CCDC18: variants seen among roughly 807,000 people sequenced by gnomAD.
CCDC18 encodes the protein coiled-coil domain-containing protein 18.
In CCDC18, 157 loss-of-function variants were observed where a neutral mutation model predicts 196.0. That is an observed-to-expected ratio of 0.80 (90% CI 0.70 to 0.91). The LOEUF is 0.91. Among genes scored for constraint, CCDC18 ranks in the 40% least tolerant of loss-of-function variants. The pLI, the probability that CCDC18 is intolerant of heterozygous loss-of-function variation, is 0.00. For missense variants in CCDC18, 1,465 were observed against 1,611.6 expected, an observed-to-expected ratio of 0.91 and a Z score of 1.56; for synonymous variants, 482 against 529.2, an observed-to-expected ratio of 0.91 and a Z score of 1.22.
chr1:93,204,571 T>C (rs1444728857), intron 7 of CCDC18, among the ~76,000 whole-genome samples: 3 of 152,124 alleles, frequency 2.0e-5, no homozygotes, highest in Non-Finnish European at 4.4e-5. Flanking sequence ...AAGTGTAATA[T>C]TATCATGACA....
chr1:93,184,869 A>C (rs1217592640), intron 3 of CCDC18, among the ~76,000 whole-genome samples: 1 of 152,008 alleles, frequency 6.6e-6, no homozygotes, highest in Non-Finnish European at 1.5e-5. Flanking sequence ...TTTAGAAACA[A>C]ATTCAAATTC....
chr1:93,210,940 A>T lies in CCDC18; in HGVS notation c.1334+14A>T. 1 of 1,613,054 alleles carries T rather than the reference A, an allele frequency of 6.2e-7. No homozygotes were observed. The highest frequency in any genetic ancestry group is 8.5e-7 in the Non-Finnish European group (1 of 1,179,374). ...TTCGGAATTGAGGTACAATTTTCAG[A>T]TTCTGCAGTTATAGCAAATAGAATG... On this transcript the variant is annotated intron_variant, in intron 10 of 28. Coordinates refer to ENST00000690025, the MANE Select transcript of CCDC18 (RefSeq NM_001378204.1).
At chr1:93,190,221 G>A (rs1049675159) in intron 4 of CCDC18, among the ~76,000 whole-genome samples, 8 of 152,144 alleles carry the variant, frequency 5.3e-5, no homozygotes, top group Non-Finnish European at 8.8e-5. Context: ...CGGGCACGGC[G>A]GCTCACGCCT....
intron 27 of CCDC18, chr1:93,269,741 G>A (rs1665038119): frequency 6.6e-6 from 1 of 152,120 alleles, no homozygotes; most frequent in Middle Eastern, 3.4e-3. Flanking sequence ...TGGTTTTTTA[G>A]TGTATGTAGT....
chr1:93,184,006 G>A lies in CCDC18; in HGVS notation c.163G>A (p.Ala55Thr). The change falls in exon 3 of 29, where the codon GCC becomes ACC. Residue 55 changes from alanine (A) to threonine (T), a missense_variant. Coordinates refer to ENST00000690025, the MANE Select transcript of CCDC18 (RefSeq NM_001378204.1). Reference protein sequence around the residue: ...SVSPSENSDYAPNPSRSEKLI... With the variant: ...SVSPSENSDYTPNPSRSEKLI... ...TAGTCCAAGTGAAAATTCTGATTAT[G>A]CCCCTAATCCTTCAAGGTCTGAAAA... 1 of 1,553,030 alleles carries A rather than the reference G, an allele frequency of 6.4e-7. No homozygotes were observed. The highest frequency in any genetic ancestry group is 1.3e-5 in the South Asian group (1 of 79,746).
intron 23 of CCDC18, 118 bp from the exon 24 acceptor site, chr1:93,254,353 C>T (rs925776546): frequency 4.3e-6 from 3 of 694,916 alleles, no homozygotes; most frequent in Non-Finnish European, 7.1e-6. Flanking sequence ...ATTGCCTTAA[C>T]CTATTTATAT....
chr1:93,197,422 A>G (rs1450515458), intron 6 of CCDC18, among the ~76,000 whole-genome samples: 1 of 152,206 alleles, frequency 6.6e-6, no homozygotes, highest in Non-Finnish European at 1.5e-5. Flanking sequence ...AAGATGATAC[A>G]TTTGAAAACT....
chr1:93,266,265 A>G (rs1664486012), intron 27 of CCDC18, among the ~76,000 whole-genome samples: 2 of 152,226 alleles, frequency 1.3e-5, no homozygotes, highest in African/African-American at 4.8e-5. Flanking sequence ...GACACAACAT[A>G]CCAGAATCTC....
At chr1:93,230,176 TAAAAACA>T (rs1293411407) in intron 17 of CCDC18, among the ~76,000 whole-genome samples, 1 of 152,004 alleles carries the variant, frequency 6.6e-6, no homozygotes, top group Non-Finnish European at 1.5e-5. Context: ...AAATATGATG[TAAAAACA>T]ATTTGTTCTG....
intron 28 of CCDC18, among the ~76,000 whole-genome samples, chr1:93,278,116 AGC>A: frequency 6.6e-6 from 1 of 151,974 alleles, no homozygotes; most frequent in East Asian, 1.9e-4. Flanking sequence ...CCTCCTGACT[AGC>A]TGGGATTACA....
chr1:93,265,886 G>A (rs569344738), intron 27 of CCDC18, among the ~76,000 whole-genome samples: 121 of 150,394 alleles, frequency 8.0e-4, no homozygotes, highest in African/African-American at 2.1e-3. Context: ...ACAGATCAAC[G>A]AGACAGAAAA....
At chr1:93,212,636 G>A (rs1442403368) in intron 11 of CCDC18, among the ~76,000 whole-genome samples, 1 of 152,020 alleles carries the variant, frequency 6.6e-6, no homozygotes, top group Non-Finnish European at 1.5e-5. Flanking sequence ...TACTAGTTGT[G>A]GTCTGATAAG....
chr1:93,258,389 T>G (rs1663315826), intron 25 of CCDC18, among the ~76,000 whole-genome samples: 1 of 152,122 alleles, frequency 6.6e-6, no homozygotes, highest in Non-Finnish European at 1.5e-5. Context: ...AAAACACAAC[T>G]GACTCTTGAT....
chr1:93,192,200 T>A, intron 5 of CCDC18, 94 bp downstream of exon 5: 1 of 790,906 alleles, frequency 1.3e-6, no homozygotes, highest in South Asian at 1.7e-5. Context: ...CCAATAAATT[T>A]ACAGTAACCT....
intron 3 of CCDC18, among the ~76,000 whole-genome samples, chr1:93,184,753 A>G (rs1281362583): frequency 7.9e-5 from 12 of 151,962 alleles, no homozygotes; most frequent in Admixed American, 6.5e-4. Flanking sequence ...ATGGTTGCAC[A>G]TAATCTTTTT....
intron 9 of CCDC18, among the ~76,000 whole-genome samples, chr1:93,208,725 G>A (rs1655127825): frequency 6.6e-6 from 1 of 151,968 alleles, no homozygotes; most frequent in African/African-American, 2.4e-5. Flanking sequence ...GGAGTGCAGT[G>A]GTGCCATCTT....
chr1:93,180,840 G>T lies in CCDC18; in HGVS notation c.-15G>T. 2 of 1,367,642 alleles carry T rather than the reference G, an allele frequency of 1.5e-6. No individual in the cohort carries two copies. The highest frequency in any genetic ancestry group is 2.0e-6 in the Non-Finnish European group (2 of 1,022,004). The allele number at this position is 1,367,642 out of a possible 1,614,324, so 84.7% of individuals were successfully genotyped here. ...CCTAACGCAGACTCGAGTGCGAAGC[G>T]CGCAGTCGCCGGGTGGGTCTCTCCC... On this transcript the variant is annotated 5_prime_UTR_variant, in exon 1 of 29. Coordinates refer to ENST00000690025, the MANE Select transcript of CCDC18 (RefSeq NM_001378204.1).
Position 93,264,282 on chromosome 1 carries a change from C to T in CCDC18, c.3685-419C>T, listed in dbSNP as rs139286602. On this transcript the variant is annotated intron_variant, in intron 26 of 28. Transcript: ENST00000690025. The stretch of plus-strand genomic sequence containing the variant: ...TCAAGATGAAGCCTGGATGGGGATA[C>T]GGAGCCAAACTGTAACATAGCTCTA... Among the ~76,000 whole-genome samples the T allele has an allele frequency of 5.4e-3, 822 of 152,180 alleles. 8 individuals are homozygous for T. Among genetic ancestry groups the T allele is most frequent in the African/African-American group, 0.019 (778 of 41,520 alleles).
intron 16 of CCDC18, among the ~76,000 whole-genome samples, chr1:93,225,558 C>G (rs980555662): frequency 4.6e-5 from 7 of 152,116 alleles, no homozygotes; most frequent in Non-Finnish European, 1.0e-4. Context: ...GGGTGGATCA[C>G]CTGAGGTCAG....
Sources: allele counts gnomAD v4.1 joint callset (sites outside exome capture counted in the v4.1 genomes callset), GRCh38; gene constraint gnomAD v4.1.1; transcripts MANE v1.5; gene names NCBI Gene and HGNC (gene_info 2026-07-23, HGNC 2026-07-21).